MYO3B: variants seen among roughly 807,000 people sequenced by gnomAD.
MYO3B encodes myosin IIIB, also known as myosin-IIIb.
Under a neutral mutation model 174.6 loss-of-function variants are expected in MYO3B, and 156 were observed. That is an observed-to-expected ratio of 0.89 (90% CI 0.78 to 1.02). The LOEUF is 1.02. Ranked by LOEUF, MYO3B falls within the 50% of genes least tolerant of loss-of-function variation. MYO3B has a pLI of 0.00. For synonymous variants in MYO3B, 563 were observed against 569.1 expected (o/e 0.99, Z 0.15); for missense variants, 1,632 against 1,639.4 (o/e 1.00, Z 0.08).
intron 32 of MYO3B, among the ~76,000 whole-genome samples, chr2:170,582,196 T>A (rs556832832): frequency 1.8e-4 from 27 of 152,232 alleles, no homozygotes; most frequent in Non-Finnish European, 3.4e-4. Flanking sequence ...ACAGACGCAC[T>A]ACCAGCAGGT....
At chr2:170,209,317 T>C (rs759799582) in intron 3 of MYO3B, among the ~76,000 whole-genome samples, 2 of 152,188 alleles carry the variant, frequency 1.3e-5, no homozygotes, top group Non-Finnish European at 2.9e-5. Context: ...CACAGGAGTA[T>C]ACCTTAATCA....
At chr2:170,251,058 C>T (rs774702205) in intron 7 of MYO3B, among the ~76,000 whole-genome samples, 4 of 152,024 alleles carry the variant, frequency 2.6e-5, no homozygotes, top group Admixed American at 6.5e-5. Context: ...CACGGGTATT[C>T]GGGCTTGAGG....
intron 32 of MYO3B, among the ~76,000 whole-genome samples, chr2:170,650,629 T>C (rs1698929065): frequency 6.7e-6 from 1 of 149,964 alleles, no homozygotes; most frequent in African/African-American, 2.5e-5. Context: ...AAAAGGACAG[T>C]AGATCCAAAA....
intron 7 of MYO3B, among the ~76,000 whole-genome samples, chr2:170,300,646 G>A (rs1383642028): frequency 6.6e-6 from 1 of 152,116 alleles, no homozygotes; most frequent in Non-Finnish European, 1.5e-5. Flanking sequence ...TTGAAAATTA[G>A]ACAATCAAGC....
At chr2:170,601,308 C>T (rs1170854329) in intron 32 of MYO3B, among the ~76,000 whole-genome samples, 2 of 152,108 alleles carry the variant, frequency 1.3e-5, no homozygotes. Context: ...TGAAAAACTA[C>T]CATCCCCATA....
intron 15 of MYO3B, among the ~76,000 whole-genome samples, chr2:170,391,862 T>C (rs563763012): frequency 1.3e-5 from 2 of 152,156 alleles, no homozygotes; most frequent in South Asian, 2.1e-4. Flanking sequence ...TATTAGACTA[T>C]AAAGGAAATG....
At position 170,653,931 on chromosome 2, in the gene MYO3B, A is replaced by G. The variant is rs369896834; in HGVS notation, c.*810A>G. The G allele has an allele frequency of 9.8e-5, 15 of 152,344 alleles. 1 individual carries two copies. Among genetic ancestry groups the G allele is most frequent in the African/African-American group, 3.4e-4 (14 of 41,576 alleles). 9.4% of individuals were successfully genotyped at this position (152,344 alleles called of 1,614,324 possible). Reference sequence around the variant, plus strand: ...ACTGGTCAAATAACTCCATGAGGCTATCAGTGGCTACAGTGGAAGGACCTG... The same window carrying G: ...ACTGGTCAAATAACTCCATGAGGCTGTCAGTGGCTACAGTGGAAGGACCTG... On this transcript the variant is annotated 3_prime_UTR_variant, in exon 35 of 35. Transcript: ENST00000408978.
intron 32 of MYO3B, among the ~76,000 whole-genome samples, chr2:170,648,633 T>TATATATATTATATTATATATA (rs1559199554): frequency 3.3e-5 from 2 of 60,324 alleles, no homozygotes; most frequent in South Asian, 1.2e-3. Context: ...AAAAAATATG[T>TATATATATTATATTATATATA]ATATATATTA....
At chr2:170,300,798 C>T (rs999030990) in intron 7 of MYO3B, among the ~76,000 whole-genome samples, 3 of 152,200 alleles carry the variant, frequency 2.0e-5, no homozygotes, top group African/African-American at 7.2e-5. Context: ...TACCACATTA[C>T]ATCTTAAGTG....
intron 3 of MYO3B, among the ~76,000 whole-genome samples, chr2:170,212,350 G>A (rs776565755): frequency 9.9e-5 from 15 of 151,916 alleles, no homozygotes; most frequent in Middle Eastern, 3.2e-3. Context: ...CAGTTTGCCC[G>A]TCCAGCCGAC....
At chr2:170,635,127 A>T (rs1409975732) in intron 32 of MYO3B, among the ~76,000 whole-genome samples, 3 of 152,246 alleles carry the variant, frequency 2.0e-5, no homozygotes, top group Non-Finnish European at 2.9e-5. Flanking sequence ...TACCAAAAGG[A>T]TTATAAATCA....
intron 32 of MYO3B, among the ~76,000 whole-genome samples, chr2:170,613,430 T>C (rs773402610): frequency 9.2e-5 from 14 of 152,188 alleles, no homozygotes; most frequent in Non-Finnish European, 1.6e-4. Flanking sequence ...CATTAATCCT[T>C]CCTTCTCTAC....
At chr2:170,593,988 T>C (rs1693983648) in intron 32 of MYO3B, among the ~76,000 whole-genome samples, 1 of 152,196 alleles carries the variant, frequency 6.6e-6, no homozygotes, top group South Asian at 2.1e-4. Context: ...TTCCTTCTCA[T>C]CCACTTTGAT....
rs1338663872 is a variant in MYO3B at position 170,652,111 on chromosome 2, A to G, written c.3844A>G (p.Thr1282Ala). 6.2e-7 allele frequency: 1 copy of G among 1,613,710 alleles called. No individual in the cohort carries two copies. Among genetic ancestry groups the G allele is most frequent in the East Asian group, 2.2e-5 (1 of 44,890 alleles). ...DTMYYNQLNG[T>A]LEYQGSKRKP... ...GTGTTCTTGGCCCTCTCCACAGGGA[A>G]CTCTAGAATATCAAGGGAGCAAGAG... Residue 1282 changes from threonine (T) to alanine (A), a missense_variant, in exon 34 of 35, where the codon ACT becomes GCT. Thr to Ala is a moderately conservative substitution (Grantham distance 58). Coordinates refer to ENST00000408978, the MANE Select transcript of MYO3B (RefSeq NM_138995.5).
chr2:170,474,560 A>C (rs1212392079), intron 25 of MYO3B, among the ~76,000 whole-genome samples: 1 of 151,518 alleles, frequency 6.6e-6, no homozygotes, highest in Non-Finnish European at 1.5e-5. Flanking sequence ...AACATGGAGA[A>C]ACCCTGTCTC....
chr2:170,621,060 T>C, intron 32 of MYO3B, among the ~76,000 whole-genome samples: 1 of 152,042 alleles, frequency 6.6e-6, no homozygotes, highest in East Asian at 1.9e-4. Flanking sequence ...GGCTAATTTT[T>C]GTATTTTTAG....
chr2:170,311,568 A>G (rs2093739446), intron 7 of MYO3B, among the ~76,000 whole-genome samples: 1 of 139,818 alleles, frequency 7.2e-6, no homozygotes, highest in Non-Finnish European at 1.6e-5. Flanking sequence ...TTGTCTTTTT[A>G]CTTTCTTGGT....
intron 7 of MYO3B, among the ~76,000 whole-genome samples, chr2:170,288,167 C>G (rs1383154097): frequency 6.6e-6 from 1 of 151,164 alleles, no homozygotes. Flanking sequence ...GTGCCTCCAG[C>G]TTCGCTCTTT....
intron 8 of MYO3B, chr2:170,343,635 T>C (rs1264579516): frequency 6.6e-6 from 1 of 152,234 alleles, no homozygotes; most frequent in Non-Finnish European, 1.5e-5. Context: ...GCTTGGCACC[T>C]AACTATGGGA....
Sources: allele counts gnomAD v4.1 joint callset (sites outside exome capture counted in the v4.1 genomes callset), GRCh38; gene constraint gnomAD v4.1.1; transcripts MANE v1.5; gene names NCBI Gene and HGNC (gene_info 2026-07-23, HGNC 2026-07-21).